HAUS8: variants seen among roughly 807,000 people sequenced by gnomAD.
HAUS8 encodes the protein HAUS augmin-like complex subunit 8.
Under a neutral mutation model 42.9 loss-of-function variants are expected in HAUS8, and 38 were observed. The ratio of observed to expected loss-of-function variants is 0.89; its 90% CI spans 0.68 to 1.16. HAUS8 has a LOEUF of 1.16. Among genes scored for constraint, HAUS8 ranks in the 50% most tolerant of loss-of-function variants. The pLI, the probability that HAUS8 is intolerant of heterozygous loss-of-function variation, is 0.00. For missense variants in HAUS8, 494 were observed against 511.6 expected, an observed-to-expected ratio of 0.97 and a Z score of 0.33; for synonymous variants, 199 against 205.8, an observed-to-expected ratio of 0.97 and a Z score of 0.28.
In HAUS8 at chr19:17,050,324, GAA is replaced by G. The variant is rs1211506851; in HGVS notation, c.930-150_930-149del. The G allele has an allele frequency of 1.3e-5, 6 of 473,100 alleles. No homozygotes were observed. In the South Asian group the frequency reaches 1.9e-4, roughly 15 times the overall value. 29.3% of individuals were successfully genotyped at this position (473,100 alleles called of 1,614,324 possible). ...AAGGGCCAGCAAATAAGATCCGTCT[GAA>G]AAGACTCAATCAGGGAAACCCCCCA... On this transcript the variant is annotated intron_variant, in intron 10 of 10. Transcript: ENST00000253669.
chr19:17,061,208 G>A (rs920808660), intron 4 of HAUS8, among the ~76,000 whole-genome samples: 10 of 151,398 alleles, frequency 6.6e-5, no homozygotes, highest in Non-Finnish European at 1.0e-4. Flanking sequence ...TAGGCTTACT[G>A]CAACCTCTGC....
At position 17,055,181 on chromosome 19, in the gene HAUS8, TATATATATATAA is replaced by T. The variant is rs1400691710; in HGVS notation, c.787+668_787+679del. ...ATATATATATATATATATATATATA[TATATATATATAA>T]GCCAGGTGTGGTGGTGCCCACGTGT... On this transcript the variant is annotated intron_variant, in intron 9 of 10. Transcript: ENST00000253669. 371 of 50,584 alleles carry T rather than the reference TATATATATATAA, an allele frequency of 7.3e-3. 32 individuals carry two copies. The highest frequency in any genetic ancestry group is 0.031 in the African/African-American group (352 of 11,266). The allele number at this position is 50,584 out of a possible 1,614,324, so 3.1% of individuals were successfully genotyped here. A position where few individuals can be genotyped will look rare whatever the true frequency, so the allele number is the denominator to read the frequency against.
intron 9 of HAUS8, chr19:17,053,775 G>GA (rs2123359627): frequency 6.6e-6 from 1 of 150,890 alleles, no homozygotes; most frequent in East Asian, 1.9e-4. Context: ...CGATTCTCCT[G>GA]CCTCAGGATC....
At chr19:17,060,311 A>G (rs145112033) in intron 4 of HAUS8, 69 of 505,660 alleles carry the variant, frequency 1.4e-4, no homozygotes, top group African/African-American at 1.2e-3. Context: ...AGACAGAGAC[A>G]TTCTGTATAA....
Position 17,065,823 on chromosome 19 carries a change from CAA to C in HAUS8, c.148-3046_148-3045del, listed in dbSNP as rs60912543. ...TGGGCGACAGAGCGAGGCTCTATCT[CAA>C]AAAAAAAAAAAAAAGCACAGAGCTT... On this transcript the variant is annotated intron_variant, in intron 3 of 10. Transcript: ENST00000253669. Among the ~76,000 whole-genome samples, 191 of 129,072 alleles carry C rather than the reference CAA, an allele frequency of 1.5e-3. 1 individual carries two copies. Among genetic ancestry groups the C allele is most frequent in the Admixed American group, 1.4e-3 (18 of 13,082 alleles). The allele number at this position is 129,072 out of a possible 152,430, so 84.7% of individuals were successfully genotyped here. A position where few individuals can be genotyped will look rare whatever the true frequency, so the allele number is the denominator to read the frequency against.
chr19:17,059,282 C>G (rs2057345320), intron 6 of HAUS8, among the ~76,000 whole-genome samples: 1 of 152,256 alleles, frequency 6.6e-6, no homozygotes, highest in South Asian at 2.1e-4. Flanking sequence ...CAGGGCCTGG[C>G]ATTGTGCCTT....
intron 3 of HAUS8, among the ~76,000 whole-genome samples, chr19:17,063,368 G>A (rs1430996227): frequency 1.3e-5 from 2 of 152,154 alleles, no homozygotes; most frequent in Non-Finnish European, 1.5e-5. Flanking sequence ...ACGACATGAC[G>A]ACGCACAGAC....
intron 3 of HAUS8, among the ~76,000 whole-genome samples, chr19:17,063,321 T>C (rs941874331): frequency 6.6e-6 from 1 of 152,138 alleles, no homozygotes; most frequent in African/African-American, 2.4e-5. Context: ...ATCACACCAC[T>C]GCACCCCATC....
At chr19:17,062,255 C>T (rs552847492) in intron 4 of HAUS8, among the ~76,000 whole-genome samples, 4 of 152,320 alleles carry the variant, frequency 2.6e-5, no homozygotes, top group East Asian at 3.9e-4. Flanking sequence ...CACCCTCACC[C>T]CAAGTAGCTG....
chr19:17,055,129 AAAAAAAAAAAAAAAATATATATATATAT>A (rs2057312538), intron 9 of HAUS8: 1 of 34,712 alleles, frequency 2.9e-5, no homozygotes, highest in Non-Finnish European at 5.0e-5. Flanking sequence ...AAAAAAAAAA[AAAAAAAAAAAAAAAATATATATATATAT>A]ATATATATAT....
intron 3 of HAUS8, among the ~76,000 whole-genome samples, chr19:17,068,778 A>G (rs1449472948): frequency 1.3e-5 from 2 of 152,112 alleles, no homozygotes; most frequent in Non-Finnish European, 2.9e-5. Context: ...ACAAAAAAAA[A>G]GGGTAAGAAC....
rs528356736 is a variant in HAUS8 at position 17,067,469 on chromosome 19, A to G, written c.147+1562T>C. Among the ~76,000 whole-genome samples, 36 of 152,248 alleles carry G rather than the reference A, an allele frequency of 2.4e-4. 2 individuals are homozygous for G. In the South Asian group the frequency reaches 6.0e-3, roughly 25 times the overall value. On this transcript the variant is annotated intron_variant, in intron 3 of 10. Coordinates refer to ENST00000253669, the MANE Select transcript of HAUS8 (RefSeq NM_033417.2). ...GTAGCTTGATTATAGAGGCGGTTCC[A>G]TGACTGTCTATGTCTGTCAAAACAG...
intron 9 of HAUS8, among the ~76,000 whole-genome samples, chr19:17,054,399 G>A (rs934482722): frequency 1.1e-4 from 17 of 152,044 alleles, no homozygotes; most frequent in Non-Finnish European, 2.9e-5. Flanking sequence ...CACCTATTCA[G>A]GAACCCAGTG....
At chr19:17,060,208 G>A (rs1189298643) in intron 4 of HAUS8, 116 bp from the exon 5 acceptor site, 19 of 420,962 alleles carry the variant, frequency 4.5e-5, no homozygotes, top group South Asian at 3.9e-4. Context: ...GCCCAATTTC[G>A]TCCAAGGTGG....
chr19:17,054,723 C>T (rs146975424), intron 9 of HAUS8, among the ~76,000 whole-genome samples: 3,455 of 151,914 alleles, frequency 0.023, 130 homozygotes, highest in African/African-American at 0.077. Flanking sequence ...ATCGCTTGAA[C>T]CCAGGAGGTG....
At chr19:17,054,034 C>CA (rs2057304889) in intron 9 of HAUS8, among the ~76,000 whole-genome samples, 1 of 152,070 alleles carries the variant, frequency 6.6e-6, no homozygotes, top group African/African-American at 2.4e-5. Context: ...AATGGAGGGA[C>CA]ACGGCCATGA....
rs1422711070 is a variant in HAUS8 at position 17,060,053 on chromosome 19, G to A, written c.269C>T (p.Thr90Met). The change falls in exon 5 of 11, where the codon ACG becomes ATG. Residue 90 changes from threonine to methionine, a missense_variant. Coordinates refer to ENST00000253669, the MANE Select transcript of HAUS8 (RefSeq NM_033417.2). The part of the protein sequence containing the change: ...SGVGKGDLQS[T>M]LLEGHGTAPP... Reference sequence around the variant, plus strand: ...AGCTGTGCCATGCCCTTCCAGCAACGTGGACTGCAGGTCACCCTTTCCGAC... The same window carrying A: ...AGCTGTGCCATGCCCTTCCAGCAACATGGACTGCAGGTCACCCTTTCCGAC... The A allele has an allele frequency of 5.6e-6, 9 of 1,613,394 alleles. No individual in the cohort carries two copies. Among genetic ancestry groups the A allele is most frequent in the South Asian group, 1.1e-5 (1 of 91,066 alleles).
At chr19:17,067,157 A>G (rs1183189892) in intron 3 of HAUS8, among the ~76,000 whole-genome samples, 11 of 149,896 alleles carry the variant, frequency 7.3e-5, no homozygotes, top group Non-Finnish European at 1.3e-4. Flanking sequence ...GTGAGCCGAG[A>G]TCGCACTACT....
At chr19:17,059,513 C>G in intron 6 of HAUS8, 44 bp downstream of exon 6, 1 of 1,353,688 alleles carries the variant, frequency 7.4e-7, no homozygotes, top group Non-Finnish European at 1.1e-6. Context: ...TAAATCAGAT[C>G]TATGCAACCC....
Sources: allele counts gnomAD v4.1 joint callset (sites outside exome capture counted in the v4.1 genomes callset), GRCh38; gene constraint gnomAD v4.1.1; transcripts MANE v1.5; gene names NCBI Gene and HGNC (gene_info 2026-07-23, HGNC 2026-07-21).